Variants in DYNC2H1 observed in about 807,000 individuals in gnomAD.
DYNC2H1 encodes cytoplasmic dynein 2 heavy chain 1.
A neutral mutation model predicts 570.0 loss-of-function variants in DYNC2H1; 410 were observed. The observed-to-expected ratio is 0.72, with a 90% CI of 0.66 to 0.78. The LOEUF (loss-of-function observed/expected upper bound fraction) is 0.78. Ranked by LOEUF, DYNC2H1 falls within the 30% of genes least tolerant of loss-of-function variation. The pLI is 0.00. For missense variants in DYNC2H1, 4,865 were observed against 5,046.4 expected, an observed-to-expected ratio of 0.96 and a Z score of 1.09; for synonymous variants, 1,688 against 1,677.6, an observed-to-expected ratio of 1.01 and a Z score of -0.15.
intron 83 of DYNC2H1, among the ~76,000 whole-genome samples, chr11:103,388,608 T>G (rs1336962588): frequency 1.3e-5 from 2 of 152,226 alleles, no homozygotes; most frequent in African/African-American, 4.8e-5. Context: ...GCTTCCAGTT[T>G]TTGCCCATTC....
chr11:103,330,687 A>T (rs1316549927), intron 82 of DYNC2H1, among the ~76,000 whole-genome samples: 3 of 151,742 alleles, frequency 2.0e-5, no homozygotes, highest in African/African-American at 7.3e-5. Context: ...GCACTTAGTA[A>T]ATAGTAGGTC....
intron 75 of DYNC2H1, among the ~76,000 whole-genome samples, chr11:103,297,562 G>A (rs1866886343): frequency 6.6e-6 from 1 of 152,100 alleles, no homozygotes; most frequent in Non-Finnish European, 1.5e-5. Flanking sequence ...GCATGTTACT[G>A]TACTGAATGC....
chr11:103,274,621 C>G (rs929251451), intron 70 of DYNC2H1, among the ~76,000 whole-genome samples: 19 of 152,196 alleles, frequency 1.2e-4, no homozygotes, highest in African/African-American at 4.6e-4. Flanking sequence ...AACCTAATAC[C>G]TAAGAATACT....
At position 103,181,867 on chromosome 11, in the gene DYNC2H1, T is replaced by A; in HGVS notation, c.6458T>A (p.Leu2153Ter). 1 of 1,605,666 alleles carries A rather than the reference T, an allele frequency of 6.2e-7. No individual in the cohort carries two copies. The highest frequency in any genetic ancestry group is 8.5e-7 in the Non-Finnish European group (1 of 1,175,140). The stretch of plus-strand genomic sequence containing the variant: ...ATTGGAGATTATTTTGAAAAGGCTT[T>A]ACAATGGGTTCTAAAGCAGGTAAAT... The part of the protein sequence containing the change: ...NWIGDYFEKA[L>*]QWVLKQNDYV... The change falls in exon 40 of 89, where the codon TTA becomes TAA. Residue 2153 changes from leucine to a stop codon, truncating the protein, a stop_gained. Transcript: ENST00000375735. LOFTEE classifies it high-confidence loss of function. The surrounding 1 kb of genome is among the most constrained non-coding windows in gnomAD (Gnocchi z 5.0).
At chr11:103,383,682 GC>G (rs1941760970) in intron 83 of DYNC2H1, among the ~76,000 whole-genome samples, 1 of 151,818 alleles carries the variant, frequency 6.6e-6, no homozygotes, top group Non-Finnish European at 1.5e-5. Context: ...CACCATGTTA[GC>G]CAGGATGGTC....
Position 103,479,615 on chromosome 11 carries a change from T to G in DYNC2H1, c.*362T>G, listed in dbSNP as rs1469511151. The stretch of plus-strand genomic sequence containing the variant: ...GTCATAATTATTTAATAAAAGAGCA[T>G]TCATAATTTTTGCAGTCTTCCCATG... On this transcript the variant is annotated 3_prime_UTR_variant, in exon 89 of 89. Transcript: ENST00000375735. 1 of 159,862 alleles carries G rather than the reference T, an allele frequency of 6.3e-6. No individual in the cohort carries two copies. Among genetic ancestry groups the G allele is most frequent in the African/African-American group, 2.4e-5 (1 of 41,686 alleles). The allele number at this position is 159,862 out of a possible 1,614,324, so 9.9% of individuals were successfully genotyped here. A position where few individuals can be genotyped will look rare whatever the true frequency, so the allele number is the denominator to read the frequency against.
Position 103,307,772 on chromosome 11 carries a change from G to C in DYNC2H1, c.11434G>C (p.Glu3812Gln). ...KDTFRLWLTA[E>Q]VHPNFTPILL... is the part of the protein sequence containing the mutation. ...TACCTTTCGTCTTTGGCTCACTGCA[G>C]AAGTTCATCCCAACTTTACTCCTAT... Residue 3812 changes from glutamate to glutamine, a missense_variant, in exon 78 of 89, where the codon GAA (glutamate) becomes CAA (glutamine). By Grantham distance (29) the Glu-to-Gln change is conservative (BLOSUM62 2). Transcript: ENST00000375735. The C allele has an allele frequency of 3.7e-6, 6 of 1,606,768 alleles. No individual in the cohort carries two copies. Among genetic ancestry groups the C allele is most frequent in the Non-Finnish European group, 4.3e-6 (5 of 1,176,190 alleles).
In DYNC2H1 at chr11:103,220,763, A is replaced by C. The variant is rs746092148; in HGVS notation, c.9087A>C (p.Thr3029=). 1.2e-6 allele frequency: 2 copies of C among 1,608,200 alleles called. No homozygotes were observed. Among genetic ancestry groups the C allele is most frequent in the African/African-American group, 2.7e-5 (2 of 74,904 alleles). ...GVLRLMGIFD[T]SWVSMKSFLA... ...TAAGGTTGATGGGTATCTTTGATAC[A>C]TCTTGGGTGAGCATGAAAAGGTACA... is the stretch of plus-strand genomic sequence containing the variant. The change falls in exon 57 of 89, where the codon ACA becomes ACC. Residue 3029 remains threonine, a synonymous_variant. Coordinates refer to ENST00000375735, the MANE Select transcript of DYNC2H1 (RefSeq NM_001377.3).
At chr11:103,137,332 T>A (rs1226502638) in intron 17 of DYNC2H1, among the ~76,000 whole-genome samples, 1 of 149,760 alleles carries the variant, frequency 6.7e-6, no homozygotes, top group Non-Finnish European at 1.5e-5. Context: ...AATGCCTAGG[T>A]TTTCTTCTAG....
At chr11:103,169,565 TACCTCAATTGAGGAAAAACAC>T (rs1473556849) in intron 32 of DYNC2H1, among the ~76,000 whole-genome samples, 1 of 152,150 alleles carries the variant, frequency 6.6e-6, no homozygotes, top group African/African-American at 2.4e-5. Flanking sequence ...CAAATCTATC[TACCTCAATTGAGGAAAAACAC>T]ACTGTAAATT....
chr11:103,327,192 C>G (rs1423442365), intron 82 of DYNC2H1, among the ~76,000 whole-genome samples: 3 of 152,132 alleles, frequency 2.0e-5, no homozygotes, highest in Non-Finnish European at 4.4e-5. Context: ...TTTTCTTCCC[C>G]AAGATCTGCC....
chr11:103,215,277 C>T (rs186632896), intron 54 of DYNC2H1, among the ~76,000 whole-genome samples: 29 of 152,212 alleles, frequency 1.9e-4, no homozygotes, highest in Non-Finnish European at 2.9e-4. Context: ...GTGATGTGGG[C>T]AGAGGGTTTG....
At chr11:103,128,525 G>T (rs1263259779) in intron 12 of DYNC2H1, among the ~76,000 whole-genome samples, 1 of 152,184 alleles carries the variant, frequency 6.6e-6, no homozygotes, top group African/African-American at 2.4e-5. Flanking sequence ...TCTGAGACAT[G>T]AATAAATTAT....
At position 103,145,777 on chromosome 11, in the gene DYNC2H1, AT is replaced by A; in HGVS notation, c.2703-1994del. Among the ~76,000 whole-genome samples, 1 of 152,236 alleles carries A rather than the reference AT, an allele frequency of 6.6e-6. No homozygotes were observed. The highest frequency in any genetic ancestry group is 1.9e-4 in the East Asian group (1 of 5,202). ...AGTATCATAAGAAAATCATTTTTGAATATGCATCTTTGATATATAATGAGTC... is the reference window on the plus strand; with the variant it reads ...AGTATCATAAGAAAATCATTTTTGAAATGCATCTTTGATATATAATGAGTC... On this transcript the variant is annotated intron_variant, in intron 18 of 88. Transcript: ENST00000375735. This position sits in a 1 kb window ranked among gnomAD's most constrained non-coding sequence, Gnocchi z 4.2.
At chr11:103,411,313 G>A (rs1943077279) in intron 84 of DYNC2H1, among the ~76,000 whole-genome samples, 1 of 152,044 alleles carries the variant, frequency 6.6e-6, no homozygotes, top group Non-Finnish European at 1.5e-5. Flanking sequence ...TTTCAGAAGG[G>A]TGTATTCAAG....
intron 82 of DYNC2H1, among the ~76,000 whole-genome samples, chr11:103,349,980 A>T (rs932192210): frequency 6.6e-6 from 1 of 152,162 alleles, no homozygotes; most frequent in African/African-American, 2.4e-5. Flanking sequence ...CATTAGAAAG[A>T]TAAACCACTG....
chr11:103,116,912 T>C (rs1186378761), intron 5 of DYNC2H1, among the ~76,000 whole-genome samples, 198 bp downstream of exon 5: 1 of 151,812 alleles, frequency 6.6e-6, no homozygotes, highest in African/African-American at 2.4e-5. Flanking sequence ...TTTGAACCAT[T>C]GATATAACCA....
In DYNC2H1 at chr11:103,120,538, C is replaced by G; in HGVS notation, c.1091C>G (p.Pro364Arg). Residue 364 changes from proline to arginine, a missense_variant, in exon 7 of 89, where the codon CCT (proline) becomes CGT (arginine). By Grantham distance (103) the Pro-to-Arg change is moderately radical. This residue lies in a region of DYNC2H1 where 1,936 missense variants were observed against 1,962.1 expected (regional missense o/e 0.99). Coordinates refer to ENST00000375735, the MANE Select transcript of DYNC2H1 (RefSeq NM_001377.3). ...KIICLTRVFE[P>R]FTGLNPVQYN... ...ATATGCCTCACTCGAGTATTTGAACCTTTTACTGGCCTGAATCCTGTGCAA... is the reference window on the plus strand; with the variant it reads ...ATATGCCTCACTCGAGTATTTGAACGTTTTACTGGCCTGAATCCTGTGCAA... The G allele has an allele frequency of 6.2e-7, 1 of 1,612,980 alleles. No homozygotes were observed. The highest frequency in any genetic ancestry group is 1.1e-5 in the South Asian group (1 of 90,944).
intron 84 of DYNC2H1, chr11:103,403,777 C>T (rs1478348149): frequency 6.6e-6 from 1 of 151,994 alleles, no homozygotes; most frequent in African/African-American, 2.4e-5. Flanking sequence ...AGAGTTGAAG[C>T]TCTCCTGGCT....
Sources: gnomAD v4.1 joint callset for allele counts (sites outside exome capture counted in the v4.1 genomes callset) on GRCh38, gnomAD v4.1.1 for gene constraint, gnomAD v4.1.1 regional missense constraint, Gnocchi (gnomAD v3.1) non-coding constraint, MANE v1.5 for transcripts, NCBI Gene and HGNC (gene_info 2026-07-23, HGNC 2026-07-21) for gene names.